FMR1: variants seen among roughly 807,000 people sequenced by gnomAD.
The protein encoded by FMR1 is FMRP translational regulator 1.
FMR1 carries 13 observed loss-of-function variants against 50.6 expected under a neutral mutation model. The ratio of observed to expected loss-of-function variants is 0.26; its 90% CI spans 0.17 to 0.41. The LOEUF is 0.41. Ranked by LOEUF, FMR1 falls within the 10% of genes least tolerant of loss-of-function variation. The pLI, the probability that FMR1 is intolerant of heterozygous loss-of-function variation, is 1.00. For missense variants in FMR1, 316 were observed against 491.3 expected (o/e 0.64, Z 3.37); for synonymous variants, 138 against 164.1 (o/e 0.84, Z 1.22).
intron 13 of FMR1, among the ~76,000 whole-genome samples, chrX:147,941,751 C>G (rs1247789568): frequency 9.0e-6 from 1 of 111,404 alleles, no homozygotes; most frequent in Admixed American, 9.5e-5. Context: ...ATCATGAAGG[C>G]CTGGAGAGTT....
Position 147,949,639 on chromosome X carries a change from T to C in FMR1, c.*795T>C, listed in dbSNP as rs1557183025. The C allele has an allele frequency of 1.5e-5, 5 of 329,586 alleles. No homozygotes were observed. Among genetic ancestry groups the C allele is most frequent in the Non-Finnish European group, 2.9e-5 (5 of 169,946 alleles). 27.2% of individuals were successfully genotyped at this position (329,586 alleles called of 1,213,427 possible). On this transcript the variant is annotated 3_prime_UTR_variant, in exon 17 of 17. Transcript: ENST00000370475. Reference sequence around the variant, plus strand: ...ATAAATAGTGTTATTGAGAGAGATGTGTAATTTTTCTGTATAGACAGGAGA... The same window carrying C: ...ATAAATAGTGTTATTGAGAGAGATGCGTAATTTTTCTGTATAGACAGGAGA...
At chrX:147,939,988 T>C (rs12156753) in intron 12 of FMR1, among the ~76,000 whole-genome samples, 50,266 of 100,163 alleles carry the variant, frequency 0.5, 11,055 homozygotes, top group African/African-American at 0.75. Flanking sequence ...AGTGAAACCC[T>C]GTCTCTACTA....
chrX:147,945,715 CA>C (rs781866242), intron 16 of FMR1, 99 bp downstream of exon 16: 208 of 626,369 alleles, frequency 3.3e-4, no homozygotes, highest in Non-Finnish European at 2.1e-4. Context: ...TCAAAGATTA[CA>C]AATCCAGTTT....
chrX:147,948,615 C>A, intron 16 of FMR1, 68 bp from the exon 17 acceptor site: 6 of 1,204,677 alleles, frequency 5.0e-6, no homozygotes, highest in Non-Finnish European at 6.7e-6. Context: ...GTTTAAATTT[C>A]TTGTCAGGCC....
At chrX:147,914,201 G>A (rs2042736503) in intron 1 of FMR1, 1 of 112,531 alleles carries the variant, frequency 8.9e-6, no homozygotes, top group Admixed American at 9.4e-5. Flanking sequence ...TCCCTGAGGA[G>A]AAATGTTAAT....
At chrX:147,948,528 T>C (rs1557182569) in intron 16 of FMR1, 155 bp from the exon 17 acceptor site, 3 of 1,111,236 alleles carry the variant, frequency 2.7e-6, no homozygotes, top group East Asian at 6.6e-5. Context: ...TAAAGAATCC[T>C]ACCTTACATT....
Position 147,950,758 on chromosome X carries a change from G to A in FMR1, c.*1914G>A, listed in dbSNP as rs1489584016. 2 of 317,947 alleles carry A rather than the reference G, an allele frequency of 6.3e-6. No individual in the cohort carries two copies. The highest frequency in any genetic ancestry group is 6.0e-6 in the Non-Finnish European group (1 of 165,733). 26.2% of individuals were successfully genotyped at this position (317,947 alleles called of 1,213,427 possible). A position where few individuals can be genotyped will look rare whatever the true frequency, so the allele number is the denominator to read the frequency against. ...TTACCATTGGAAATTTCACGTCATA[G>A]GAAGTTAGCCTTTATCTACCAACTT... On this transcript the variant is annotated 3_prime_UTR_variant, in exon 17 of 17. Coordinates refer to ENST00000370475, the MANE Select transcript of FMR1 (RefSeq NM_002024.6).
chrX:147,919,586 GTAAC>G (rs1352100453), intron 1 of FMR1, among the ~76,000 whole-genome samples: 1 of 112,555 alleles, frequency 8.9e-6, no homozygotes, highest in Admixed American at 9.4e-5. Context: ...TTTTGAACCA[GTAAC>G]TAACTATAAG....
intron 7 of FMR1, 117 bp downstream of exon 7, chrX:147,930,361 A>C (rs1446812524): frequency 9.1e-6 from 5 of 552,426 alleles, no homozygotes; most frequent in Non-Finnish European, 1.6e-5. Context: ...ACAATTCCTT[A>C]GGTTCTATAG....
At chrX:147,933,368 ATAAAATGATAGCAT>A in intron 9 of FMR1, 1 of 731,465 alleles carries the variant, frequency 1.4e-6, no homozygotes, top group Non-Finnish European at 1.9e-6. Flanking sequence ...TTATGGGACT[ATAAAATGATAGCAT>A]TCATTTTAAT....
At chrX:147,938,458 T>G (rs1193038461) in intron 12 of FMR1, among the ~76,000 whole-genome samples, 1 of 112,019 alleles carries the variant, frequency 8.9e-6, no homozygotes, top group East Asian at 2.8e-4. Flanking sequence ...CTTATTTTGC[T>G]TCTAGACATA....
At chrX:147,923,587 T>A (rs2043269266) in intron 2 of FMR1, among the ~76,000 whole-genome samples, 1 of 112,165 alleles carries the variant, frequency 8.9e-6, no homozygotes, top group Non-Finnish European at 1.9e-5. Flanking sequence ...GTTTATACAT[T>A]GATTTATTAG....
chrX:147,932,735 T>C lies in FMR1; in HGVS notation c.852T>C (p.Asp284=). ...KARSFLEFAE[D]VIQVPRNLVG... Reference sequence around the variant, plus strand: ...GAAGCTTTCTCGAATTTGCTGAAGATGTAATACAAGTTCCAAGGAACTTAG... The same window carrying C: ...GAAGCTTTCTCGAATTTGCTGAAGACGTAATACAAGTTCCAAGGAACTTAG... The change falls in exon 9 of 17, where the codon GAT becomes GAC. Residue 284 remains aspartate (D), a synonymous_variant. Coordinates refer to ENST00000370475, the MANE Select transcript of FMR1 (RefSeq NM_002024.6). 8.3e-7 allele frequency: 1 copy of C among 1,204,454 alleles called. No homozygotes were observed. Among genetic ancestry groups the C allele is most frequent in the Non-Finnish European group, 1.1e-6 (1 of 889,758 alleles).
At position 147,912,093 on chromosome X, in the gene FMR1, C is replaced by CGGCGGA. The variant is rs1931667146; in HGVS notation, c.-82_-81insAGGCGG. ...GCGGCGGCGGCGGAGGCGGCGGCGG[C>CGGCGGA]GGCGGCGGCGGCGGCGGCTGGGCCT... is the stretch of plus-strand genomic sequence containing the variant. On this transcript the variant is annotated 5_prime_UTR_variant, in exon 1 of 17. Transcript: ENST00000370475. 7.1e-6 allele frequency: 4 copies of CGGCGGA among 561,643 alleles called. No individual in the cohort carries two copies. The highest frequency in any genetic ancestry group is 8.8e-6 in the Non-Finnish European group (4 of 455,884). 46.3% of individuals were successfully genotyped at this position (561,643 alleles called of 1,213,427 possible). A position where few individuals can be genotyped will look rare whatever the true frequency, so the allele number is the denominator to read the frequency against.
At chrX:147,912,572 G>T (rs181114623) in intron 1 of FMR1, among the ~76,000 whole-genome samples, 10 of 113,091 alleles carry the variant, frequency 8.8e-5, no homozygotes, top group African/African-American at 3.2e-4. Context: ...AAGTGACGGC[G>T]ATGGCTTATT....
At chrX:147,931,008 A>G (rs2043582574) in intron 7 of FMR1, 1 of 112,219 alleles carries the variant, frequency 8.9e-6, no homozygotes, top group South Asian at 3.6e-4. Flanking sequence ...GAAATTTGCC[A>G]CCTGTCAACT....
At chrX:147,944,216 C>T in intron 14 of FMR1, 1 of 750,868 alleles carries the variant, frequency 1.3e-6, no homozygotes, top group South Asian at 6.8e-5. Flanking sequence ...CCGCTCCTGT[C>T]CTCTAAGTCG....
chrX:147,928,574 T>A, intron 4 of FMR1, 85 bp from the exon 5 acceptor site: 1 of 932,545 alleles, frequency 1.1e-6, no homozygotes, highest in Non-Finnish European at 1.5e-6. Flanking sequence ...ACATAGATTA[T>A]TTATTTTAAA....
chrX:147,932,637 A>AT (rs782313985), intron 8 of FMR1, 42 bp downstream of exon 8: 1 of 1,193,040 alleles, frequency 8.4e-7, no homozygotes, highest in Non-Finnish European at 1.1e-6. Context: ...CCAAACAAGT[A>AT]TTTCAGCTGG....
Sources: gnomAD v4.1 joint callset for allele counts (sites outside exome capture counted in the v4.1 genomes callset) on GRCh38, gnomAD v4.1.1 for gene constraint, MANE v1.5 for transcripts, NCBI Gene and HGNC (gene_info 2026-07-23, HGNC 2026-07-21) for gene names.